CNTNAP2: variants seen among roughly 807,000 people sequenced by gnomAD.
CNTNAP2 encodes contactin-associated protein-like 2.
In CNTNAP2, 98 loss-of-function variants were observed where a neutral mutation model predicts 155.2. That is an observed-to-expected ratio of 0.63 (90% CI 0.54 to 0.75). The LOEUF (loss-of-function observed/expected upper bound fraction) is 0.75. CNTNAP2 is among the 30% of genes least tolerant of loss of function. The pLI is 0.00. For synonymous variants in CNTNAP2, 651 were observed against 631.2 expected (o/e 1.03, Z -0.47); for missense variants, 1,727 against 1,688.1 (o/e 1.02, Z -0.40).
At chr7:146,282,596 T>C (rs778720586) in intron 1 of CNTNAP2, among the ~76,000 whole-genome samples, 1 of 152,214 alleles carries the variant, frequency 6.6e-6, no homozygotes, top group African/African-American at 2.4e-5. Context: ...GAGTAACATA[T>C]GTTTGCTCTC....
intron 13 of CNTNAP2, among the ~76,000 whole-genome samples, chr7:147,830,453 T>C (rs1175247983): frequency 6.6e-6 from 1 of 152,142 alleles, no homozygotes; most frequent in Non-Finnish European, 1.5e-5. Flanking sequence ...AACATCACTT[T>C]GGGTGTTAAG....
At chr7:148,357,638 C>T (rs1034097895) in intron 21 of CNTNAP2, among the ~76,000 whole-genome samples, 11 of 152,248 alleles carry the variant, frequency 7.2e-5, no homozygotes, top group South Asian at 2.1e-4. Flanking sequence ...TATTTTGCCT[C>T]GGTCAGTGTT....
chr7:146,508,635 C>A (rs180859557), intron 1 of CNTNAP2, among the ~76,000 whole-genome samples: 110 of 152,316 alleles, frequency 7.2e-4, no homozygotes, highest in Middle Eastern at 3.4e-3. Flanking sequence ...AAGCTGGGCA[C>A]CTTGACCAGT....
intron 21 of CNTNAP2, among the ~76,000 whole-genome samples, chr7:148,334,324 G>C (rs571382427): frequency 6.6e-6 from 1 of 152,136 alleles, no homozygotes; most frequent in Non-Finnish European, 1.5e-5. Context: ...GTTCACTCTC[G>C]GGGCTGAAGG....
At chr7:147,635,791 C>T (rs927999696) in intron 12 of CNTNAP2, among the ~76,000 whole-genome samples, 1 of 152,040 alleles carries the variant, frequency 6.6e-6, no homozygotes, top group South Asian at 2.1e-4. Context: ...ATTGAAAAGA[C>T]GTTTATGACC....
chr7:146,501,676 C>A (rs1797302065), intron 1 of CNTNAP2, among the ~76,000 whole-genome samples: 1 of 151,300 alleles, frequency 6.6e-6, no homozygotes, highest in Non-Finnish European at 1.5e-5. Context: ...AAATATATGC[C>A]CACCCAGAAC....
At chr7:148,165,578 G>T (rs1200143564) in intron 17 of CNTNAP2, among the ~76,000 whole-genome samples, 1 of 152,152 alleles carries the variant, frequency 6.6e-6, no homozygotes, top group African/African-American at 2.4e-5. Flanking sequence ...GCAAAGAAGT[G>T]CATTATCTGT....
rs138060523 is a variant in CNTNAP2 at position 148,151,290 on chromosome 7, A to C, written c.2773+3581A>C. Among the ~76,000 whole-genome samples, 187 of 152,228 alleles carry C rather than the reference A, an allele frequency of 1.2e-3. 1 individual carries two copies. Among genetic ancestry groups the C allele is most frequent in the African/African-American group, 4.4e-3 (182 of 41,540 alleles). ...TCGCCTAGGGCCCATAATTATTATC[A>C]TTATTATTAATAATAGTAGTAGTAG... is the stretch of plus-strand genomic sequence containing the variant. On this transcript the variant is annotated intron_variant, in intron 17 of 23. Coordinates refer to ENST00000361727, the MANE Select transcript of CNTNAP2 (RefSeq NM_014141.6).
intron 8 of CNTNAP2, among the ~76,000 whole-genome samples, chr7:147,154,163 TGATAA>T (rs1801879113): frequency 1.3e-5 from 2 of 152,066 alleles, no homozygotes; most frequent in Non-Finnish European, 2.9e-5. Context: ...ATAATGGCAT[TGATAA>T]GATAAAACAG....
intron 2 of CNTNAP2, among the ~76,000 whole-genome samples, chr7:146,831,266 T>C (rs1412503854): frequency 6.6e-6 from 1 of 152,118 alleles, no homozygotes; most frequent in African/African-American, 2.4e-5. Flanking sequence ...TGGTTTTTAG[T>C]TTTTGACTAT....
chr7:148,088,219 T>C (rs141855287), intron 15 of CNTNAP2, among the ~76,000 whole-genome samples: 4 of 152,200 alleles, frequency 2.6e-5, no homozygotes, highest in Non-Finnish European at 4.4e-5. Context: ...TCATTGATAT[T>C]TCTTTAGTTT....
chr7:146,962,309 A>G (rs1426452012), intron 3 of CNTNAP2, among the ~76,000 whole-genome samples: 1 of 152,142 alleles, frequency 6.6e-6, no homozygotes, highest in African/African-American at 2.4e-5. Context: ...AACACAGTCT[A>G]TTTTTACTGC....
At chr7:146,133,263 T>A (rs1354236743) in intron 1 of CNTNAP2, among the ~76,000 whole-genome samples, 1 of 152,182 alleles carries the variant, frequency 6.6e-6, no homozygotes, top group Non-Finnish European at 1.5e-5. Context: ...TGGAGTTGTT[T>A]GTTTTTTTCT....
At chr7:146,950,671 AT>A (rs1446620480) in intron 3 of CNTNAP2, among the ~76,000 whole-genome samples, 7 of 151,738 alleles carry the variant, frequency 4.6e-5, no homozygotes, top group Admixed American at 3.3e-4. Context: ...TATGTGCCAC[AT>A]TTTTTTTAGC....
At chr7:147,230,054 A>T (rs1196461600) in intron 8 of CNTNAP2, among the ~76,000 whole-genome samples, 1 of 152,140 alleles carries the variant, frequency 6.6e-6, no homozygotes, top group African/African-American at 2.4e-5. Flanking sequence ...TTAAAATTTT[A>T]ATACTGACAT....
intron 12 of CNTNAP2, among the ~76,000 whole-genome samples, chr7:147,618,411 G>A (rs1179550814): frequency 1.3e-5 from 2 of 151,904 alleles, no homozygotes; most frequent in Non-Finnish European, 2.9e-5. Flanking sequence ...GAGAAAATAT[G>A]AAAAAAGGTG....
At chr7:146,163,559 A>G (rs1369914234) in intron 1 of CNTNAP2, among the ~76,000 whole-genome samples, 1 of 130,438 alleles carries the variant, frequency 7.7e-6, no homozygotes, top group African/African-American at 3.2e-5. Context: ...ATCTATATCT[A>G]TATCTATCTA....
chr7:147,001,720 T>G (rs73465229), intron 3 of CNTNAP2, among the ~76,000 whole-genome samples: 1,716 of 152,010 alleles, frequency 0.011, 38 homozygotes, highest in African/African-American at 0.04. Flanking sequence ...AGGATAGTTA[T>G]AATGATCTGA....
chr7:148,204,196 C>T (rs535198115), intron 18 of CNTNAP2, among the ~76,000 whole-genome samples: 3 of 152,054 alleles, frequency 2.0e-5, no homozygotes, highest in Non-Finnish European at 4.4e-5. Context: ...TTAAGACTGC[C>T]GATACGATGT....
Sources: allele counts gnomAD v4.1 joint callset (sites outside exome capture counted in the v4.1 genomes callset), GRCh38; gene constraint gnomAD v4.1.1; transcripts MANE v1.5; gene names NCBI Gene and HGNC (gene_info 2026-07-23, HGNC 2026-07-21).